Variants in SNU13 observed in about 807,000 individuals in gnomAD.
SNU13 encodes the protein NHP2-like protein 1.
In SNU13, 2 loss-of-function variants were observed where a neutral mutation model predicts 12.4. The ratio of observed to expected loss-of-function variants is 0.16; its 90% CI spans 0.07 to 0.51. The LOEUF (loss-of-function observed/expected upper bound fraction) is 0.51. SNU13 is among the 20% of genes least tolerant of loss of function. SNU13 has a pLI of 0.96. For missense variants in SNU13, 66 were observed against 157.8 expected (o/e 0.42, Z 3.12); for synonymous variants, 68 against 66.5 (o/e 1.02, Z -0.11).
At chr22:41,687,537 T>C (rs967125407) in intron 1 of SNU13, among the ~76,000 whole-genome samples, 1 of 152,226 alleles carries the variant, frequency 6.6e-6, no homozygotes. Flanking sequence ...TAAACACTAA[T>C]TGAAACTTGC....
intron 1 of SNU13, among the ~76,000 whole-genome samples, chr22:41,687,301 A>G (rs1439774522): frequency 6.6e-6 from 1 of 152,178 alleles, no homozygotes; most frequent in East Asian, 1.9e-4. Context: ...TATTACATGG[A>G]ACCCCCAAAG....
At chr22:41,687,003 T>G (rs527621679) in intron 1 of SNU13, among the ~76,000 whole-genome samples, 17 of 152,116 alleles carry the variant, frequency 1.1e-4, no homozygotes, top group African/African-American at 3.9e-4. Flanking sequence ...TCACACGGGC[T>G]GGAGTGCAGT....
intron 1 of SNU13, chr22:41,682,512 C>A (rs2068273728): frequency 2.6e-6 from 4 of 1,540,418 alleles, no homozygotes; most frequent in Non-Finnish European, 2.6e-6. Context: ...ACGTCCAGGG[C>A]CAGCCCGTAC....
chr22:41,685,082 G>A (rs1314853445), intron 1 of SNU13, among the ~76,000 whole-genome samples: 1 of 148,778 alleles, frequency 6.7e-6, no homozygotes, highest in Non-Finnish European at 1.5e-5. Context: ...TTGAACCCGG[G>A]AAGCGGAGAT....
In SNU13 at chr22:41,680,120, A is replaced by C. The variant is rs529918884; in HGVS notation, c.124+124T>G. On this transcript the variant is annotated intron_variant, in intron 2 of 2. Coordinates refer to ENST00000401959, the MANE Select transcript of SNU13 (RefSeq NM_001003796.2). ...CATCAGCTTTAGCATCTAATGCCAAAGTCCTCCCACTGGTTGTAGTCGAGA... is the reference window on the plus strand; with the variant it reads ...CATCAGCTTTAGCATCTAATGCCAACGTCCTCCCACTGGTTGTAGTCGAGA... The C allele has an allele frequency of 5.0e-5, 63 of 1,262,696 alleles. No individual in the cohort carries two copies. The South Asian group carries it at 1.0e-3, about 21-fold the overall frequency. 78.2% of individuals were successfully genotyped at this position (1,262,696 alleles called of 1,614,324 possible).
intron 1 of SNU13, 94 bp downstream of exon 1, chr22:41,688,700 G>A (rs1017525701): frequency 6.1e-6 from 9 of 1,480,128 alleles, no homozygotes; most frequent in African/African-American, 1.4e-5. Context: ...CGGATGAGAC[G>A]GCGCAGGCTC....
In SNU13 at chr22:41,680,377, C is replaced by G; in HGVS notation, c.4-13G>C. ...CATCAGCCTCAGTCTATGGGGGGGA[C>G]ATAAAAATATCAGACAAATTGAGCC... On this transcript the variant is annotated splice_polypyrimidine_tract_variant and intron_variant, in intron 1 of 2. Transcript: ENST00000401959. The G allele has an allele frequency of 1.3e-6, 2 of 1,593,454 alleles. No homozygotes were observed. Among genetic ancestry groups the G allele is most frequent in the Middle Eastern group, 1.7e-4 (1 of 5,976 alleles).
chr22:41,689,765 G>C (rs896701503), upstream of SNU13, among the ~76,000 whole-genome samples: 1 of 151,914 alleles, frequency 6.6e-6, no homozygotes, highest in South Asian at 2.1e-4. Flanking sequence ...ATCACCTGAG[G>C]TTGGGAGTTC....
At chr22:41,683,544 T>G (rs2068283646) in intron 1 of SNU13, among the ~76,000 whole-genome samples, 1 of 152,076 alleles carries the variant, frequency 6.6e-6, no homozygotes. Flanking sequence ...CCCAGCCCAT[T>G]TATATATTTT....
intron 1 of SNU13, among the ~76,000 whole-genome samples, chr22:41,684,245 GCT>G (rs1370481867): frequency 1.3e-5 from 2 of 152,202 alleles, no homozygotes; most frequent in Non-Finnish European, 2.9e-5. Flanking sequence ...AGAAAGAACA[GCT>G]CTCTCTGGTG....
At chr22:41,683,008 T>G (rs144117860) in intron 1 of SNU13, among the ~76,000 whole-genome samples, 1 of 152,148 alleles carries the variant, frequency 6.6e-6, no homozygotes, top group East Asian at 1.9e-4. Context: ...ACTTAAACAT[T>G]TTCTTTTTTG....
Position 41,674,821 on chromosome 22 carries a change from T to C in SNU13, c.*112A>G. The C allele has an allele frequency of 7.1e-7, 1 of 1,417,866 alleles. No homozygotes were observed. Among genetic ancestry groups the C allele is most frequent in the Non-Finnish European group, 9.5e-7 (1 of 1,047,942 alleles). The allele number at this position is 1,417,866 out of a possible 1,614,324, so 87.8% of individuals were successfully genotyped here. ...AAAATCCAGAAACCAGATTTAGTAC[T>C]ACATTTTATAACAATAGAGAGTAGC... On this transcript the variant is annotated 3_prime_UTR_variant, in exon 3 of 3. Transcript: ENST00000401959.
intron 1 of SNU13, among the ~76,000 whole-genome samples, 184 bp downstream of exon 1, chr22:41,688,610 C>G (rs1281166892): frequency 6.6e-6 from 1 of 152,210 alleles, no homozygotes; most frequent in Admixed American, 6.5e-5. Context: ...TTCCTGAGTT[C>G]TAACCTCGGG....
chr22:41,675,723 A>C (rs1259943820), intron 2 of SNU13, among the ~76,000 whole-genome samples: 2 of 147,264 alleles, frequency 1.4e-5, no homozygotes, highest in Admixed American at 1.4e-4. Context: ...TGCCTGTCCT[A>C]ATCTGACAAC....
intron 1 of SNU13, among the ~76,000 whole-genome samples, chr22:41,683,551 T>TA (rs2068283763): frequency 6.6e-6 from 1 of 152,150 alleles, no homozygotes; most frequent in African/African-American, 2.4e-5. Flanking sequence ...CATTTATATA[T>TA]TTTTTAATCT....
At chr22:41,679,795 T>G (rs1215115409) in intron 2 of SNU13, 2 of 152,488 alleles carry the variant, frequency 1.3e-5, no homozygotes, top group African/African-American at 4.8e-5. Flanking sequence ...GACATGCAAA[T>G]TCGTGAAACG....
chr22:41,676,009 C>T (rs1201627132), intron 2 of SNU13, among the ~76,000 whole-genome samples: 1 of 152,194 alleles, frequency 6.6e-6, no homozygotes, highest in African/African-American at 2.4e-5. Context: ...TGATTACAGG[C>T]ATGAGCCACC....
upstream of SNU13, chr22:41,688,887 C>G (rs887474958): frequency 1.3e-6 from 2 of 1,496,430 alleles, no homozygotes; most frequent in African/African-American, 2.8e-5. Context: ...ACAGAAGCAG[C>G]AGCGGAAATG....
At chr22:41,689,249 G>C (rs1290643400), upstream of SNU13, 1 of 223,738 alleles carries the variant, frequency 4.5e-6, no homozygotes, top group Non-Finnish European at 7.5e-6. Flanking sequence ...TGTAACCCCA[G>C]CTACTTAGGA....
Sources: allele counts gnomAD v4.1 joint callset (sites outside exome capture counted in the v4.1 genomes callset), GRCh38; gene constraint gnomAD v4.1.1; transcripts MANE v1.5; gene names NCBI Gene and HGNC (gene_info 2026-07-23, HGNC 2026-07-21).